ROBO2: variants seen among roughly 807,000 people sequenced by gnomAD.
ROBO2 encodes roundabout guidance receptor 2.
Under a neutral mutation model 160.8 loss-of-function variants are expected in ROBO2, and 53 were observed. That is an observed-to-expected ratio of 0.33 (90% confidence interval 0.26 to 0.41). The LOEUF (loss-of-function observed/expected upper bound fraction) is 0.41, where lower values mean the gene tolerates loss of function less well. Ranked by LOEUF, ROBO2 falls within the 10% of genes least tolerant of loss-of-function variation. The pLI is 1.00. For missense variants in ROBO2, 1,577 were observed against 1,722.4 expected (o/e 0.92, Z 1.49); for synonymous variants, 664 against 611.7 (o/e 1.09, Z -1.26).
At chr3:76,695,628 A>G (rs866980030) in intron 2 of ROBO2, among the ~76,000 whole-genome samples, 2 of 152,306 alleles carry the variant, frequency 1.3e-5, no homozygotes, top group Non-Finnish European at 1.5e-5. Flanking sequence ...ACTGATGGCA[A>G]ACACTTGTGG....
At chr3:76,832,305 C>G (rs2067159715) in intron 2 of ROBO2, among the ~76,000 whole-genome samples, 1 of 152,182 alleles carries the variant, frequency 6.6e-6, no homozygotes, top group Admixed American at 6.5e-5. Context: ...TTATGCCAGA[C>G]TATTTCCTGC....
rs371290325 is a variant in ROBO2 at position 77,160,279 on chromosome 3, G to A, written c.388+61939G>A. On this transcript the variant is annotated intron_variant, in intron 2 of 25. Coordinates refer to ENST00000461745, the Ensembl canonical transcript of ROBO2. ...TACTTTACATATGGTAGCATTTTACGTACAAAGGTGACTAAAAGAATTCAG... is the reference window on the plus strand; with the variant it reads ...TACTTTACATATGGTAGCATTTTACATACAAAGGTGACTAAAAGAATTCAG... 5.3e-5 allele frequency among the ~76,000 whole-genome samples: 8 copies of A among 152,062 alleles called. No individual in the cohort carries two copies. The East Asian group carries it at 7.7e-4, about 15-fold the overall frequency.
chr3:76,092,535 C>G (rs987498353), intron 2 of ROBO2, among the ~76,000 whole-genome samples: 1 of 152,076 alleles, frequency 6.6e-6, no homozygotes, highest in Non-Finnish European at 1.5e-5. Flanking sequence ...GATTTGTTTC[C>G]TCTCAATACA....
chr3:76,256,799 CA>C (rs1433647670), intron 2 of ROBO2, among the ~76,000 whole-genome samples: 1 of 152,030 alleles, frequency 6.6e-6, no homozygotes, highest in Admixed American at 6.6e-5. Context: ...CATGGTTCTG[CA>C]GGCTTCATAG....
chr3:77,582,818 C>A (rs1224637558), intron 16 of ROBO2, among the ~76,000 whole-genome samples: 1 of 152,012 alleles, frequency 6.6e-6, no homozygotes, highest in Non-Finnish European at 1.5e-5. Flanking sequence ...AAGTGCAGTT[C>A]TCATATTTAT....
At chr3:77,318,415 T>G (rs2064298849) in intron 2 of ROBO2, among the ~76,000 whole-genome samples, 1 of 152,236 alleles carries the variant, frequency 6.6e-6, no homozygotes. Flanking sequence ...AGAATATAGA[T>G]AATGCATTAG....
intron 2 of ROBO2, among the ~76,000 whole-genome samples, chr3:76,965,864 C>T (rs1303556473): frequency 1.4e-5 from 2 of 142,916 alleles, no homozygotes; most frequent in Admixed American, 1.4e-4. Flanking sequence ...CCACCCATAT[C>T]TATAAGTTTT....
intron 1 of ROBO2, among the ~76,000 whole-genome samples, chr3:75,935,152 A>G (rs1332453992): frequency 6.6e-6 from 1 of 152,182 alleles, no homozygotes; most frequent in Non-Finnish European, 1.5e-5. Flanking sequence ...TTATATCAGT[A>G]ATTTAAACCT....
chr3:77,346,694 G>T (rs574712984), intron 2 of ROBO2, among the ~76,000 whole-genome samples: 1 of 152,202 alleles, frequency 6.6e-6, no homozygotes, highest in Admixed American at 6.6e-5. Context: ...ACAGTTGCAG[G>T]ACTGAGATTC....
intron 2 of ROBO2, among the ~76,000 whole-genome samples, chr3:76,783,480 G>A (rs1035672929): frequency 6.7e-6 from 1 of 149,026 alleles, no homozygotes; most frequent in African/African-American, 2.4e-5. Context: ...GAATAGCCTT[G>A]CCAAGTATAG....
intron 2 of ROBO2, among the ~76,000 whole-genome samples, chr3:77,213,307 G>A (rs1411706960): frequency 6.6e-6 from 1 of 152,128 alleles, no homozygotes; most frequent in Admixed American, 6.5e-5. Context: ...TTAGTCTTGG[G>A]AGGGCGTATG....
At chr3:76,871,027 A>G (rs752908245) in intron 2 of ROBO2, among the ~76,000 whole-genome samples, 3 of 152,226 alleles carry the variant, frequency 2.0e-5, no homozygotes, top group African/African-American at 7.2e-5. Context: ...AACAACAATG[A>G]TAGCATGAAA....
At chr3:77,048,070 C>G (rs1262972030) in intron 1 of ROBO2, among the ~76,000 whole-genome samples, 1 of 152,070 alleles carries the variant, frequency 6.6e-6, no homozygotes, top group Admixed American at 6.6e-5. Flanking sequence ...TATATGATGC[C>G]ATGAACAGTG....
chr3:76,590,272 C>T (rs1470060025), intron 2 of ROBO2, among the ~76,000 whole-genome samples: 2 of 152,090 alleles, frequency 1.3e-5, no homozygotes, highest in Admixed American at 6.6e-5. Flanking sequence ...CTCTGTCTCC[C>T]AACCATACTG....
At chr3:76,601,051 C>G (rs1009750998) in intron 2 of ROBO2, among the ~76,000 whole-genome samples, 1 of 152,170 alleles carries the variant, frequency 6.6e-6, no homozygotes, top group African/African-American at 2.4e-5. Context: ...TCCAGCAGGG[C>G]AGTCAAACCT....
chr3:76,168,520 C>G (rs1160262835), intron 2 of ROBO2, among the ~76,000 whole-genome samples: 1 of 151,964 alleles, frequency 6.6e-6, no homozygotes, highest in Non-Finnish European at 1.5e-5. Context: ...CTCTGTATTC[C>G]AAATGATAGA....
At chr3:76,989,427 A>G (rs1402020038) in intron 2 of ROBO2, among the ~76,000 whole-genome samples, 1 of 152,128 alleles carries the variant, frequency 6.6e-6, no homozygotes, top group Non-Finnish European at 1.5e-5. Flanking sequence ...TATGATAATA[A>G]AAGTATGTAA....
At chr3:76,948,903 TATA>T (rs1373641671) in intron 2 of ROBO2, among the ~76,000 whole-genome samples, 12 of 23,100 alleles carry the variant, frequency 5.2e-4, no homozygotes, top group African/African-American at 2.0e-3. Context: ...TATATATATA[TATA>T]TATTTTTTTT....
intron 2 of ROBO2, among the ~76,000 whole-genome samples, chr3:76,016,064 A>G (rs2066396289): frequency 6.6e-6 from 1 of 152,214 alleles, no homozygotes; most frequent in African/African-American, 2.4e-5. Flanking sequence ...CACATAAAAC[A>G]TGAGAATAGC....
Sources: allele counts gnomAD v4.1 joint callset (sites outside exome capture counted in the v4.1 genomes callset), GRCh38; gene constraint gnomAD v4.1.1; transcripts MANE v1.5; gene names NCBI Gene and HGNC (gene_info 2026-07-23, HGNC 2026-07-21).